CDK5RAP1: variants seen among roughly 807,000 people sequenced by gnomAD.
CDK5RAP1 encodes mitochondrial tRNA methylthiotransferase CDK5RAP1.
Under a neutral mutation model 64.5 loss-of-function variants are expected in CDK5RAP1, and 62 were observed. The ratio of observed to expected loss-of-function variants is 0.96; its 90% CI spans 0.78 to 1.19. CDK5RAP1 has a LOEUF of 1.19. Ranked by LOEUF, CDK5RAP1 falls within the 50% of genes most tolerant of loss-of-function variation. CDK5RAP1 has a pLI of 0.00. For missense variants in CDK5RAP1, 657 were observed against 735.0 expected (o/e 0.89, Z 1.23); for synonymous variants, 250 against 261.9 (o/e 0.95, Z 0.44).
At chr20:33,390,204 G>C (rs1440336525) in intron 5 of CDK5RAP1, among the ~76,000 whole-genome samples, 1 of 151,260 alleles carries the variant, frequency 6.6e-6, no homozygotes, top group Non-Finnish European at 1.5e-5. Context: ...AGCCTGGGAG[G>C]TTGAGGCTGC....
chr20:33,362,507 C>G (rs919388839), intron 12 of CDK5RAP1, among the ~76,000 whole-genome samples: 4 of 152,166 alleles, frequency 2.6e-5, no homozygotes, highest in Admixed American at 6.5e-5. Context: ...CTTTCAAGCA[C>G]AAACAAAACG....
At chr20:33,362,519 T>C (rs1001073396) in intron 12 of CDK5RAP1, among the ~76,000 whole-genome samples, 2 of 152,140 alleles carry the variant, frequency 1.3e-5, no homozygotes, top group Admixed American at 1.3e-4. Context: ...AACAAAACGA[T>C]GCCCAGTGGA....
At chr20:33,368,207 T>C (rs1246783843) in intron 11 of CDK5RAP1, among the ~76,000 whole-genome samples, 1 of 152,168 alleles carries the variant, frequency 6.6e-6, no homozygotes, top group East Asian at 1.9e-4. Flanking sequence ...CCTTAACCCT[T>C]AGGAATTAGG....
In CDK5RAP1 at chr20:33,368,297, T is replaced by A. The variant is rs182187992; in HGVS notation, c.1393-1289A>T. Among the ~76,000 whole-genome samples, 176 of 151,912 alleles carry A rather than the reference T, an allele frequency of 1.2e-3. 2 individuals carry two copies. The highest frequency in any genetic ancestry group is 4.0e-4 in the Non-Finnish European group (27 of 67,968). On this transcript the variant is annotated intron_variant, in intron 11 of 13. Transcript: ENST00000346416. ...AAAACCCATTTCCCATCCCTAGGAT[T>A]TTTTTTTCTTTTTTGAGACAGGGTC... is the stretch of plus-strand genomic sequence containing the variant.
intron 1 of CDK5RAP1, 112 bp from the exon 2 acceptor site, chr20:33,397,196 A>C: frequency 1.4e-6 from 1 of 724,338 alleles, no homozygotes; most frequent in Non-Finnish European, 2.1e-6. Flanking sequence ...GCCCATGAAG[A>C]AGGTACTCCT....
chr20:33,394,638 C>A (rs1452267818), intron 3 of CDK5RAP1, among the ~76,000 whole-genome samples: 1 of 152,054 alleles, frequency 6.6e-6, no homozygotes, highest in African/African-American at 2.4e-5. Flanking sequence ...TGGTGACCCA[C>A]ACCTGGACAT....
chr20:33,376,796 G>A lies in CDK5RAP1; in HGVS notation c.1108-2584C>T, dbSNP rs371260062. Among the ~76,000 whole-genome samples, 16 of 152,100 alleles carry A rather than the reference G, an allele frequency of 1.1e-4. No homozygotes were observed. In the South Asian group the frequency reaches 2.3e-3, roughly 22 times the overall value. On this transcript the variant is annotated intron_variant, in intron 8 of 13. Transcript: ENST00000346416. ...GGGCAGAGTAAACTGAAAACATTCC[G>A]GAAAGAATTCATCATTCTAGATACC...
At chr20:33,399,981 T>C (rs532491663) in intron 1 of CDK5RAP1, among the ~76,000 whole-genome samples, 2 of 152,088 alleles carry the variant, frequency 1.3e-5, no homozygotes, top group Non-Finnish European at 2.9e-5. Flanking sequence ...GAGGCAGAGA[T>C]TGCAGTGAGC....
chr20:33,374,004 G>T (rs1205442925), intron 9 of CDK5RAP1, 111 bp downstream of exon 9: 1 of 747,128 alleles, frequency 1.3e-6, no homozygotes. Context: ...TATTTACTGA[G>T]CAGCTACTTT....
At chr20:33,388,810 G>GGA (rs1241659351) in intron 5 of CDK5RAP1, among the ~76,000 whole-genome samples, 6 of 152,058 alleles carry the variant, frequency 3.9e-5, no homozygotes, top group African/African-American at 1.4e-4. Context: ...TTTTTTTGGT[G>GGA]GAGACTGGGT....
intron 12 of CDK5RAP1, among the ~76,000 whole-genome samples, chr20:33,366,628 T>G (rs1469024453): frequency 6.6e-6 from 1 of 151,924 alleles, no homozygotes; most frequent in African/African-American, 2.4e-5. Context: ...AGAAAAGAAA[T>G]ACTTAGGTGT....
intron 7 of CDK5RAP1, among the ~76,000 whole-genome samples, chr20:33,384,762 C>T (rs1164736979): frequency 2.0e-5 from 3 of 152,058 alleles, no homozygotes; most frequent in East Asian, 3.8e-4. Context: ...ATTCACTGGG[C>T]GTGGTGGCAC....
intron 10 of CDK5RAP1, 134 bp from the exon 11 acceptor site, chr20:33,370,763 A>C: frequency 2.4e-6 from 2 of 841,282 alleles, no homozygotes; most frequent in Non-Finnish European, 3.8e-6. Flanking sequence ...AGTAAAACAA[A>C]ATAGTACAGA....
intron 6 of CDK5RAP1, among the ~76,000 whole-genome samples, chr20:33,386,518 T>C (rs1013259694): frequency 5.9e-5 from 9 of 152,214 alleles, no homozygotes; most frequent in African/African-American, 1.9e-4. Context: ...AAGGAGACCC[T>C]GGATTTAAAA....
At chr20:33,365,938 G>A (rs1983846144) in intron 12 of CDK5RAP1, among the ~76,000 whole-genome samples, 1 of 152,204 alleles carries the variant, frequency 6.6e-6, no homozygotes, top group African/African-American at 2.4e-5. Context: ...TCTCCTCTAA[G>A]AGAAAGCAAT....
intron 9 of CDK5RAP1, 121 bp from the exon 10 acceptor site, chr20:33,372,818 A>T (rs1208502674): frequency 3.1e-6 from 2 of 653,172 alleles, no homozygotes; most frequent in South Asian, 3.8e-5. Context: ...GGCAGGGCAC[A>T]CGAGTAAATT....
intron 13 of CDK5RAP1, chr20:33,359,646 T>C (rs1341288999): frequency 6.4e-6 from 1 of 155,624 alleles, no homozygotes; most frequent in African/African-American, 2.4e-5. Flanking sequence ...TGCTAGAAGA[T>C]AAACAAAGAT....
intron 12 of CDK5RAP1, among the ~76,000 whole-genome samples, chr20:33,363,948 G>A (rs1033864330): frequency 6.6e-6 from 1 of 151,762 alleles, no homozygotes; most frequent in Non-Finnish European, 1.5e-5. Flanking sequence ...TGAGATTTCA[G>A]GTTCCATGAT....
Position 33,360,357 on chromosome 20 carries a change from C to G in CDK5RAP1, c.1677G>C (p.Leu559=). 1 of 1,614,010 alleles carries G rather than the reference C, an allele frequency of 6.2e-7. No homozygotes were observed. The highest frequency in any genetic ancestry group is 8.5e-7 in the Non-Finnish European group (1 of 1,179,962). The stretch of plus-strand genomic sequence containing the variant: ...GCCCAAAAGGACTCCTCACCTTCAC[C>G]AGCACATAGTCCCCAGGCTGGGCTC... The part of the protein sequence containing the change: ...RVRAQPGDYV[L]VKITSASSQT... The change falls in exon 13 of 14, where the codon CTG becomes CTC. Residue 559 remains leucine, a synonymous_variant. Transcript: ENST00000346416.
Sources: gnomAD v4.1 joint callset for allele counts (sites outside exome capture counted in the v4.1 genomes callset) on GRCh38, gnomAD v4.1.1 for gene constraint, MANE v1.5 for transcripts, NCBI Gene and HGNC (gene_info 2026-07-23, HGNC 2026-07-21) for gene names.